MSX2: variants seen among roughly 807,000 people sequenced by gnomAD.
MSX2 encodes homeobox protein MSX-2.
Under a neutral mutation model 18.4 loss-of-function variants are expected in MSX2, and 10 were observed. The ratio of observed to expected loss-of-function variants is 0.54; its 90% CI spans 0.34 to 0.92. The LOEUF (loss-of-function observed/expected upper bound fraction) is 0.92. MSX2 is among the 40% of genes least tolerant of loss of function. The pLI is 0.02. For synonymous variants in MSX2, 170 were observed against 165.6 expected, an observed-to-expected ratio of 1.03 and a Z score of -0.20; for missense variants, 339 against 364.0, an observed-to-expected ratio of 0.93 and a Z score of 0.56.
In MSX2 at chr5:174,729,936, C is replaced by G. The variant is rs1019491079; in HGVS notation, c.*353C>G. 2.0e-5 allele frequency: 3 copies of G among 152,220 alleles called. No individual in the cohort carries two copies. The highest frequency in any genetic ancestry group is 6.5e-5 in the Admixed American group (1 of 15,268). 9.4% of individuals were successfully genotyped at this position (152,220 alleles called of 1,614,324 possible). On this transcript the variant is annotated 3_prime_UTR_variant, in exon 2 of 2. Coordinates refer to ENST00000239243, the MANE Select transcript of MSX2 (RefSeq NM_002449.5). ...AAGGCAAAATTTATATACATATGTG[C>G]TTTTTTTCTATATCTCACCTTCCCA...
intron 1 of MSX2, among the ~76,000 whole-genome samples, chr5:174,726,135 T>C (rs1288107713): frequency 6.6e-6 from 1 of 152,192 alleles, no homozygotes; most frequent in Non-Finnish European, 1.5e-5. Context: ...TTTGGAGACG[T>C]CATCCTTTAC....
intron 1 of MSX2, among the ~76,000 whole-genome samples, chr5:174,726,934 C>T (rs559576023): frequency 1.3e-5 from 2 of 152,300 alleles, no homozygotes; most frequent in African/African-American, 2.4e-5. Flanking sequence ...TCAAGCTTCC[C>T]TGCTCTGGGT....
chr5:174,727,921 A>G lies in MSX2; in HGVS notation c.380-1238A>G, dbSNP rs79942794. On this transcript the variant is annotated intron_variant, in intron 1 of 1. Coordinates refer to ENST00000239243, the MANE Select transcript of MSX2 (RefSeq NM_002449.5). ...ATTCTCCCATGAATACATTAGAGTTAATACTGTGGCCACATTTGGAAAATT... is the reference window on the plus strand; with the variant it reads ...ATTCTCCCATGAATACATTAGAGTTGATACTGTGGCCACATTTGGAAAATT... Among the ~76,000 whole-genome samples the G allele has an allele frequency of 2.8e-3, 428 of 152,348 alleles. 4 individuals carry two copies. The highest frequency in any genetic ancestry group is 9.9e-3 in the African/African-American group (410 of 41,580).
intron 1 of MSX2, among the ~76,000 whole-genome samples, chr5:174,726,730 G>A (rs1408291388): frequency 6.6e-6 from 1 of 152,132 alleles, no homozygotes; most frequent in Non-Finnish European, 1.5e-5. Context: ...TATCGACAGT[G>A]AGGTAGAGGC....
rs1760740628 is a variant in MSX2, at chr5:174,724,791, C to G, written c.132C>G (p.Ser44Arg). ...AAEERRVKVS[S>R]LPFSVEALMS... Reference sequence around the variant, plus strand: ...AGGAGCGCCGCGTCAAGGTCTCCAGCCTGCCCTTCAGCGTGGAGGCGCTCA... The same window carrying G: ...AGGAGCGCCGCGTCAAGGTCTCCAGGCTGCCCTTCAGCGTGGAGGCGCTCA... Residue 44 changes from serine to arginine, a missense_variant, in exon 1 of 2, where the codon AGC becomes AGG. Around this residue, in one of 2 missense-constraint regions of MSX2, gnomAD observed 211 missense variants for 185.4 expected, o/e 1.14. Coordinates refer to ENST00000239243, the MANE Select transcript of MSX2 (RefSeq NM_002449.5). 6.4e-7 allele frequency: 1 copy of G among 1,554,562 alleles called. No homozygotes were observed. The highest frequency in any genetic ancestry group is 8.7e-7 in the Non-Finnish European group (1 of 1,149,652).
At position 174,724,801 on chromosome 5, in the gene MSX2, A is replaced by G. The variant is rs1760741055; in HGVS notation, c.142A>G (p.Ser48Gly). 1 of 1,553,028 alleles carries G rather than the reference A, an allele frequency of 6.4e-7. No homozygotes were observed. The highest frequency in any genetic ancestry group is 8.7e-7 in the Non-Finnish European group (1 of 1,148,754). ...RRVKVSSLPFSVEALMSDKKP... is the reference protein window; with the variant it reads ...RRVKVSSLPFGVEALMSDKKP... ...CGTCAAGGTCTCCAGCCTGCCCTTCAGCGTGGAGGCGCTCATGTCCGACAA... is the reference window on the plus strand; with the variant it reads ...CGTCAAGGTCTCCAGCCTGCCCTTCGGCGTGGAGGCGCTCATGTCCGACAA... Residue 48 changes from serine to glycine, a missense_variant, in exon 1 of 2, where the codon AGC becomes GGC. By Grantham distance (56) the Ser-to-Gly change is moderately conservative. Around this residue, in one of 2 missense-constraint regions of MSX2, gnomAD observed 211 missense variants for 185.4 expected, o/e 1.14. Coordinates refer to ENST00000239243, the MANE Select transcript of MSX2 (RefSeq NM_002449.5).
intron 1 of MSX2, 87 bp downstream of exon 1, chr5:174,725,125 G>A: frequency 6.5e-7 from 1 of 1,537,490 alleles, no homozygotes; most frequent in Admixed American, 2.0e-5. Context: ...AGGGTACCGA[G>A]ACCCTTCTGC....
intron 1 of MSX2, among the ~76,000 whole-genome samples, chr5:174,725,715 G>A (rs939080745): frequency 6.6e-6 from 1 of 152,190 alleles, no homozygotes; most frequent in Non-Finnish European, 1.5e-5. Context: ...CCGGGAGCGG[G>A]CTGGGGCCAG....
intron 1 of MSX2, among the ~76,000 whole-genome samples, chr5:174,726,179 G>T (rs1258722131): frequency 6.6e-6 from 1 of 152,054 alleles, no homozygotes; most frequent in African/African-American, 2.4e-5. Flanking sequence ...GGCTTTTATG[G>T]TTTCTCTACC....
rs1166664877 is a variant in MSX2, at chr5:174,729,830, G to A, written c.*247G>A. ...TCCTTTCACAAAGATTGGCTCTGAT[G>A]GTTTTTATGTATAAATATATATATA... On this transcript the variant is annotated 3_prime_UTR_variant, in exon 2 of 2. Transcript: ENST00000239243. 3.1e-6 allele frequency: 1 copy of A among 320,154 alleles called. No homozygotes were observed. Among genetic ancestry groups the A allele is most frequent in the Non-Finnish European group, 5.7e-6 (1 of 174,346 alleles). 19.8% of individuals were successfully genotyped at this position (320,154 alleles called of 1,614,324 possible). A position where few individuals can be genotyped will look rare whatever the true frequency, so the allele number is the denominator to read the frequency against.
In MSX2 at chr5:174,729,995, C is replaced by T. The variant is rs2113500008; in HGVS notation, c.*412C>T. 6.6e-6 allele frequency: 1 copy of T among 152,108 alleles called. No individual in the cohort carries two copies. Among genetic ancestry groups the T allele is most frequent in the Middle Eastern group, 3.4e-3 (1 of 294 alleles). 9.4% of individuals were successfully genotyped at this position (152,108 alleles called of 1,614,324 possible). ...TGTGTAAGTCCATTTGTTGTATTTT[C>T]TTAAAGAGGGAGACAAATTATTTGC... On this transcript the variant is annotated 3_prime_UTR_variant, in exon 2 of 2. Transcript: ENST00000239243.
At chr5:174,725,174 G>A (rs999517243) in intron 1 of MSX2, 136 bp downstream of exon 1, 15 of 1,374,870 alleles carry the variant, frequency 1.1e-5, no homozygotes, top group Non-Finnish European at 1.4e-5. Context: ...CAGGGCCTCT[G>A]GACTCCTGGG....
chr5:174,725,900 T>C (rs1760785654), intron 1 of MSX2, among the ~76,000 whole-genome samples: 1 of 152,176 alleles, frequency 6.6e-6, no homozygotes, highest in Non-Finnish European at 1.5e-5. Flanking sequence ...CTGAGGCTTT[T>C]AAAGAAGACG....
At chr5:174,728,997 A>ATG (rs891125725) in intron 1 of MSX2, among the ~76,000 whole-genome samples, 162 bp from the exon 2 acceptor site, 2 of 131,440 alleles carry the variant, frequency 1.5e-5, no homozygotes, top group African/African-American at 6.3e-5. Context: ...GTGTGTGTGT[A>ATG]TATGTATGTA....
In MSX2 at chr5:174,730,170, A is replaced by G. The variant is rs1174103424; in HGVS notation, c.*587A>G. The G allele has an allele frequency of 6.6e-6, 1 of 152,220 alleles. No individual in the cohort carries two copies. Among genetic ancestry groups the G allele is most frequent in the Non-Finnish European group, 1.5e-5 (1 of 68,068 alleles). The allele number at this position is 152,220 out of a possible 1,614,324, so 9.4% of individuals were successfully genotyped here. A position where few individuals can be genotyped will look rare whatever the true frequency, so the allele number is the denominator to read the frequency against. On this transcript the variant is annotated 3_prime_UTR_variant, in exon 2 of 2. Coordinates refer to ENST00000239243, the MANE Select transcript of MSX2 (RefSeq NM_002449.5). ...CATCATATTTCTGCATTTTACTTGC[A>G]TTAAAAGAAACCTCTTTATATACTA...
chr5:174,729,609 G>A lies in MSX2; in HGVS notation c.*26G>A. 6.2e-7 allele frequency: 1 copy of A among 1,601,226 alleles called. No individual in the cohort carries two copies. The highest frequency in any genetic ancestry group is 1.1e-5 in the South Asian group (1 of 90,986). Reference sequence around the variant, plus strand: ...GGAAGACCAGATCAATAGACTCCATGATGGATGCTTGTTTCAAAGGGTTTC... The same window carrying A: ...GGAAGACCAGATCAATAGACTCCATAATGGATGCTTGTTTCAAAGGGTTTC... On this transcript the variant is annotated 3_prime_UTR_variant, in exon 2 of 2. Coordinates refer to ENST00000239243, the MANE Select transcript of MSX2 (RefSeq NM_002449.5).
At chr5:174,729,093 G>T in intron 1 of MSX2, 66 bp from the exon 2 acceptor site, 1 of 1,524,314 alleles carries the variant, frequency 6.6e-7, no homozygotes, top group Non-Finnish European at 9.0e-7. Context: ...GGGGGAGATG[G>T]GTTTTTTTTA....
chr5:174,725,942 CTGAT>C (rs1760786871), intron 1 of MSX2, among the ~76,000 whole-genome samples: 1 of 152,182 alleles, frequency 6.6e-6, no homozygotes, highest in Admixed American at 6.5e-5. Flanking sequence ...CCAACAACCA[CTGAT>C]TGGCCAGGGG....
chr5:174,728,967 ATGTGTGTGTG>A lies in MSX2; in HGVS notation c.380-172_380-163del, dbSNP rs59742982. Among the ~76,000 whole-genome samples, 1,677 of 145,500 alleles carry A rather than the reference ATGTGTGTGTG, an allele frequency of 0.012. 7 individuals are homozygous for A. The highest frequency in any genetic ancestry group is 0.017 in the African/African-American group (671 of 39,644). On this transcript the variant is annotated intron_variant, in intron 1 of 1. Transcript: ENST00000239243. ...AAAGTATGTCTTTCCATACATAGAT[ATGTGTGTGTG>A]TGTGTGTGTGTGTGTGTGTATATGT...
Sources: allele counts gnomAD v4.1 joint callset (sites outside exome capture counted in the v4.1 genomes callset), GRCh38; gene constraint gnomAD v4.1.1; regional missense constraint gnomAD v4.1.1; transcripts MANE v1.5; gene names NCBI Gene and HGNC (gene_info 2026-07-23, HGNC 2026-07-21).